Variants in RAD54L2 observed in about 807,000 individuals in gnomAD.
RAD54L2 encodes RAD54 like 2, also known as helicase ARIP4.
Under a neutral mutation model 138.4 loss-of-function variants are expected in RAD54L2, and 27 were observed. That is an observed-to-expected ratio of 0.20 (90% CI 0.14 to 0.27). The LOEUF (loss-of-function observed/expected upper bound fraction) is 0.27, where lower values mean the gene tolerates loss of function less well. Among genes scored for constraint, RAD54L2 ranks in the 10% least tolerant of loss-of-function variants. RAD54L2 has a pLI of 1.00. For missense variants in RAD54L2, 1,396 were observed against 1,890.2 expected (o/e 0.74, Z 4.85); for synonymous variants, 644 against 723.2 (o/e 0.89, Z 1.76).
rs926354683 is a variant in RAD54L2 at position 51,638,000 on chromosome 3, ACT to A, written c.1683-141_1683-140del. On this transcript the variant is annotated intron_variant, in intron 11 of 22. Transcript: ENST00000684192. This position sits in a 1 kb window ranked among gnomAD's most constrained non-coding sequence, Gnocchi z 5.9. ...TGAGTTTCTTCTTGGTTGTTGAACC[ACT>A]CTGCATTATTGCAAGGCTGCAGTGC... 12 of 747,324 alleles carry A rather than the reference ACT, an allele frequency of 1.6e-5. No homozygotes were observed. The African/African-American group carries it at 1.8e-4, about 11-fold the overall frequency. 46.3% of individuals were successfully genotyped at this position (747,324 alleles called of 1,614,324 possible).
intron 3 of RAD54L2, among the ~76,000 whole-genome samples, chr3:51,620,823 A>G (rs1700555278): frequency 6.6e-6 from 1 of 152,232 alleles, no homozygotes; most frequent in Admixed American, 6.5e-5. Context: ...CTTTTAAACT[A>G]TGCAGATACT....
intron 3 of RAD54L2, among the ~76,000 whole-genome samples, chr3:51,592,940 A>C (rs924554376): frequency 5.9e-5 from 9 of 151,978 alleles, no homozygotes; most frequent in African/African-American, 2.2e-4. Context: ...AAACCTGCCT[A>C]TTTCTTTAGT....
In RAD54L2 at chr3:51,630,278, T is replaced by C; in HGVS notation, c.488T>C (p.Ile163Thr). The change falls in exon 6 of 23, where the codon ATT becomes ACT. Residue 163 changes from isoleucine to threonine, a missense_variant. Coordinates refer to ENST00000684192, the MANE Select transcript of RAD54L2 (RefSeq NM_015106.4). ...TVPLEFLPEE[I>T]ALRASDGPQL... Reference sequence around the variant, plus strand: ...TCCATTTTGCTTTTCCTAGAGGAAATTGCTTTAAGGGCAAGTGACGGTCCC... The same window carrying C: ...TCCATTTTGCTTTTCCTAGAGGAAACTGCTTTAAGGGCAAGTGACGGTCCC... 6.2e-7 allele frequency: 1 copy of C among 1,613,946 alleles called. No homozygotes were observed. Among genetic ancestry groups the C allele is most frequent in the Non-Finnish European group, 8.5e-7 (1 of 1,179,818 alleles).
intron 10 of RAD54L2, among the ~76,000 whole-genome samples, chr3:51,636,145 C>T (rs962058923): frequency 6.6e-6 from 1 of 152,146 alleles, no homozygotes; most frequent in Non-Finnish European, 1.5e-5. Flanking sequence ...GTTTAAATCA[C>T]TAATATAAAG....
chr3:51,556,598 CAG>C (rs1336449015), intron 2 of RAD54L2, among the ~76,000 whole-genome samples: 2 of 149,896 alleles, frequency 1.3e-5, no homozygotes, highest in African/African-American at 2.5e-5. Flanking sequence ...TTTTTTGAGA[CAG>C]AGTTTCGCTC....
chr3:51,623,386 T>A (rs1325930079), intron 3 of RAD54L2, among the ~76,000 whole-genome samples: 1 of 152,126 alleles, frequency 6.6e-6, no homozygotes, highest in Non-Finnish European at 1.5e-5. Context: ...CTTTGCATGC[T>A]CCCAGACCAT....
rs1381998312 is a variant in RAD54L2 at position 51,587,291 on chromosome 3, C to T, written c.-54-3076C>T. ...AATTTTTTGTATTTTTTAGTAGAGA[C>T]GGAGTTTCACACGTGTTAGCCAGGA... On this transcript the variant is annotated intron_variant, in intron 2 of 22. Transcript: ENST00000684192. Among the ~76,000 whole-genome samples, 8 of 151,964 alleles carry T rather than the reference C, an allele frequency of 5.3e-5. 1 individual carries two copies. In the South Asian group the frequency reaches 1.3e-3, roughly 24 times the overall value.
At chr3:51,589,914 C>T (rs549543443) in intron 2 of RAD54L2, among the ~76,000 whole-genome samples, 2 of 152,228 alleles carry the variant, frequency 1.3e-5, no homozygotes, top group East Asian at 3.9e-4. Context: ...CCAGAACACT[C>T]ATAGGGAAGG....
Position 51,633,910 on chromosome 3 carries a change from T to C in RAD54L2, c.1017T>C (p.Thr339=). 2 of 1,613,822 alleles carry C rather than the reference T, an allele frequency of 1.2e-6. No individual in the cohort carries two copies. The highest frequency in any genetic ancestry group is 2.2e-5 in the South Asian group (2 of 91,036). Residue 339 remains threonine, a synonymous_variant, in exon 9 of 23, where the codon ACT becomes ACC. Transcript: ENST00000684192. ...KTVLAIVPVN[T]LQNWLAEFNM... is the part of the protein sequence containing the mutation. ...ACTTGGCTTTCTAATAGGTTAATAC[T>C]CTTCAGAATTGGCTGGCAGAGTTCA...
intron 2 of RAD54L2, among the ~76,000 whole-genome samples, chr3:51,570,799 G>T (rs920587969): frequency 1.3e-5 from 2 of 152,144 alleles, no homozygotes; most frequent in Non-Finnish European, 2.9e-5. Context: ...TGGTGTCTTT[G>T]TACAGAAAAT....
At chr3:51,539,027 G>T (rs1698484285) in intron 1 of RAD54L2, among the ~76,000 whole-genome samples, 112 bp downstream of exon 1, 1 of 152,290 alleles carries the variant, frequency 6.6e-6, no homozygotes, top group South Asian at 2.1e-4. Context: ...GCTCGGGGCA[G>T]CTAGATGGAC....
chr3:51,575,246 T>C (rs1175833178), intron 2 of RAD54L2, among the ~76,000 whole-genome samples: 6 of 152,230 alleles, frequency 3.9e-5, no homozygotes, highest in African/African-American at 1.4e-4. Flanking sequence ...TTTTGGTTAC[T>C]GTAGCCTTGT....
chr3:51,642,064 G>A (rs1701151188), intron 15 of RAD54L2, among the ~76,000 whole-genome samples, 197 bp downstream of exon 15: 1 of 152,158 alleles, frequency 6.6e-6, no homozygotes, highest in Non-Finnish European at 1.5e-5. Flanking sequence ...GAGAGAGTTG[G>A]GAGAGTGTAG....
intron 3 of RAD54L2, among the ~76,000 whole-genome samples, chr3:51,595,481 A>G (rs1322578273): frequency 3.3e-5 from 5 of 152,102 alleles, no homozygotes; most frequent in African/African-American, 1.2e-4. Flanking sequence ...CAGGATAGGG[A>G]GTGGATGGGG....
intron 2 of RAD54L2, among the ~76,000 whole-genome samples, chr3:51,575,101 G>A (rs1403909323): frequency 4.6e-5 from 7 of 152,104 alleles, no homozygotes; most frequent in Non-Finnish European, 8.8e-5. Flanking sequence ...TATTAAATAG[G>A]GAATCCTTTG....
intron 2 of RAD54L2, among the ~76,000 whole-genome samples, chr3:51,568,294 C>T (rs772625131): frequency 6.6e-6 from 1 of 152,134 alleles, no homozygotes; most frequent in Non-Finnish European, 1.5e-5. Flanking sequence ...ATTAGCTCCT[C>T]ATCCTGTCCT....
At chr3:51,580,730 A>G (rs1699587150) in intron 2 of RAD54L2, among the ~76,000 whole-genome samples, 1 of 152,194 alleles carries the variant, frequency 6.6e-6, no homozygotes, top group South Asian at 2.1e-4. Flanking sequence ...TACACAAAGC[A>G]CCACAAAGGG....
At chr3:51,600,222 G>A (rs975596169) in intron 3 of RAD54L2, among the ~76,000 whole-genome samples, 7 of 150,916 alleles carry the variant, frequency 4.6e-5, no homozygotes, top group East Asian at 2.0e-4. Context: ...GATTACAGGC[G>A]TGAGCCACCG....
intron 3 of RAD54L2, among the ~76,000 whole-genome samples, chr3:51,592,616 C>T (rs1209848183): frequency 6.6e-6 from 1 of 151,234 alleles, no homozygotes; most frequent in African/African-American, 2.4e-5. Context: ...TTTTGTTGGC[C>T]CTGGCTGGAG....
Sources: gnomAD v4.1 joint callset for allele counts (sites outside exome capture counted in the v4.1 genomes callset) on GRCh38, gnomAD v4.1.1 for gene constraint, Gnocchi (gnomAD v3.1) non-coding constraint, MANE v1.5 for transcripts, NCBI Gene and HGNC (gene_info 2026-07-23, HGNC 2026-07-21) for gene names.